The following AGO3 variants were observed in gnomAD, a reference collection of about 807,000 sequenced individuals.
AGO3 encodes protein argonaute-3.
AGO3 carries 16 observed loss-of-function variants against 105.5 expected under a neutral mutation model. That is an observed-to-expected ratio of 0.15 (90% CI 0.10 to 0.23). The LOEUF (loss-of-function observed/expected upper bound fraction) is 0.23. Among genes scored for constraint, AGO3 ranks in the 10% least tolerant of loss-of-function variants. The pLI is 1.00. For missense variants in AGO3, 534 were observed against 1,088.0 expected (o/e 0.49, Z 7.16); for synonymous variants, 340 against 367.3 (o/e 0.93, Z 0.85).
At chr1:35,991,598 A>G (rs1246048010) in intron 5 of AGO3, among the ~76,000 whole-genome samples, 2 of 150,092 alleles carry the variant, frequency 1.3e-5, no homozygotes, top group African/African-American at 4.9e-5. Flanking sequence ...TTTATCAACA[A>G]ACTTAAAATG....
intron 2 of AGO3, among the ~76,000 whole-genome samples, chr1:35,949,356 T>C (rs777338813): frequency 3.9e-5 from 6 of 152,238 alleles, no homozygotes; most frequent in South Asian, 2.1e-4. Context: ...GCAAAACTTA[T>C]TCCGTTTTCT....
chr1:35,989,124 A>G lies in AGO3; in HGVS notation c.659-15217A>G, dbSNP rs532550226. ...CAAGTGCAATGGAAGCATAAAAGGG[A>G]GGGATCCATTGTAGTCTCACTGGTT... On this transcript the variant is annotated intron_variant, in intron 5 of 18. Coordinates refer to ENST00000373191, the MANE Select transcript of AGO3 (RefSeq NM_024852.4). 3.9e-5 allele frequency among the ~76,000 whole-genome samples: 6 copies of G among 152,334 alleles called. No homozygotes were observed. The South Asian group carries it at 1.2e-3, about 32-fold the overall frequency.
chr1:36,009,454 A>C, intron 8 of AGO3, 21 bp from the exon 9 acceptor site: 1 of 1,601,476 alleles, frequency 6.2e-7, no homozygotes, highest in Non-Finnish European at 8.5e-7. Flanking sequence ...CATGTAGTAC[A>C]AAACTTTTTT....
chr1:35,980,760 A>T (rs1212372607), intron 5 of AGO3, among the ~76,000 whole-genome samples: 2 of 152,202 alleles, frequency 1.3e-5, no homozygotes, highest in African/African-American at 4.8e-5. Context: ...GTGATTGCTG[A>T]AAGTATTTCT....
At chr1:36,047,413 T>C (rs536333841) in intron 17 of AGO3, among the ~76,000 whole-genome samples, 1 of 150,416 alleles carries the variant, frequency 6.6e-6, no homozygotes, top group Non-Finnish European at 1.5e-5. Context: ...TCTCTGAACT[T>C]GAAGACAGGT....
chr1:35,946,463 G>A (rs1646366863), intron 2 of AGO3, among the ~76,000 whole-genome samples: 1 of 151,996 alleles, frequency 6.6e-6, no homozygotes, highest in African/African-American at 2.4e-5. Flanking sequence ...ATTTATGATT[G>A]GATATATACT....
At chr1:36,029,122 T>G (rs1037895166) in intron 12 of AGO3, among the ~76,000 whole-genome samples, 4 of 152,212 alleles carry the variant, frequency 2.6e-5, no homozygotes, top group African/African-American at 9.6e-5. Flanking sequence ...GTTGTAAGGA[T>G]TAACTGAGTC....
rs566607448 is a variant in AGO3 at position 36,069,612 on chromosome 1, G to T, written c.*13867G>T. On this transcript the variant is annotated 3_prime_UTR_variant, in exon 19 of 19. Transcript: ENST00000373191. ...TGTTCACTTACAAACATATCCTGTT[G>T]TTTCTTCCCTGCAAGATATCCAGCA... The T allele has an allele frequency of 3.3e-4, 51 of 152,296 alleles. No homozygotes were observed. The highest frequency in any genetic ancestry group is 1.1e-3 in the African/African-American group (45 of 41,562). The allele number at this position is 152,296 out of a possible 1,614,324, so 9.4% of individuals were successfully genotyped here.
At chr1:36,019,415 A>G (rs1308721273) in intron 11 of AGO3, among the ~76,000 whole-genome samples, 1 of 152,174 alleles carries the variant, frequency 6.6e-6, no homozygotes, top group East Asian at 1.9e-4. Flanking sequence ...ATGCTCTTAT[A>G]TCTGTAATAC....
At chr1:36,045,506 G>C (rs1642427072) in intron 17 of AGO3, among the ~76,000 whole-genome samples, 1 of 150,200 alleles carries the variant, frequency 6.7e-6, no homozygotes, top group Admixed American at 6.7e-5. Context: ...ACAGACATGA[G>C]CCACCATGTC....
intron 5 of AGO3, chr1:35,984,349 A>C (rs1236834827): frequency 6.6e-6 from 1 of 152,214 alleles, no homozygotes; most frequent in East Asian, 1.9e-4. Context: ...AAAAAGAAAC[A>C]AAAAGTAGAT....
At chr1:35,935,732 T>G (rs1388146154) in intron 1 of AGO3, among the ~76,000 whole-genome samples, 4 of 152,254 alleles carry the variant, frequency 2.6e-5, no homozygotes, top group African/African-American at 9.6e-5. Flanking sequence ...TGAATACCAT[T>G]TTGCTTTATA....
At chr1:35,945,557 A>G in intron 1 of AGO3, 135 bp from the exon 2 acceptor site, 1 of 838,872 alleles carries the variant, frequency 1.2e-6, no homozygotes, top group Non-Finnish European at 1.9e-6. Flanking sequence ...TTGAAGTGTT[A>G]GAAATGATGT....
chr1:35,983,613 A>G (rs1188879544), intron 5 of AGO3, among the ~76,000 whole-genome samples: 1 of 151,896 alleles, frequency 6.6e-6, no homozygotes, highest in Admixed American at 6.6e-5. Flanking sequence ...AAAGAAAAAC[A>G]ACCCTCCACA....
chr1:36,046,061 C>G (rs1008927259), intron 17 of AGO3, among the ~76,000 whole-genome samples: 12 of 152,134 alleles, frequency 7.9e-5, no homozygotes, highest in African/African-American at 2.7e-4. Context: ...CCAGCAATCC[C>G]CATCAACACC....
At chr1:36,001,384 A>G (rs1005579658) in intron 5 of AGO3, among the ~76,000 whole-genome samples, 1 of 152,228 alleles carries the variant, frequency 6.6e-6, no homozygotes, top group South Asian at 2.1e-4. Flanking sequence ...AAAACAACCC[A>G]TAACTCTCCC....
chr1:36,017,316 T>A (rs1640957007), intron 11 of AGO3, among the ~76,000 whole-genome samples: 1 of 152,200 alleles, frequency 6.6e-6, no homozygotes, highest in African/African-American at 2.4e-5. Context: ...AATAAGAGTC[T>A]ACTTGTTTCA....
chr1:35,963,749 T>C (rs1015227638), intron 2 of AGO3, among the ~76,000 whole-genome samples: 7 of 152,012 alleles, frequency 4.6e-5, no homozygotes, highest in African/African-American at 1.4e-4. Context: ...TTCTTTAGGA[T>C]TGTGGTAATC....
chr1:35,933,738 T>A (rs1383973339), intron 1 of AGO3, among the ~76,000 whole-genome samples: 1 of 151,008 alleles, frequency 6.6e-6, no homozygotes, highest in East Asian at 1.9e-4. Context: ...GTCTATTGAC[T>A]CAGTATTGAA....
Sources: allele counts gnomAD v4.1 joint callset (sites outside exome capture counted in the v4.1 genomes callset), GRCh38; gene constraint gnomAD v4.1.1; transcripts MANE v1.5; gene names NCBI Gene and HGNC (gene_info 2026-07-23, HGNC 2026-07-21).